The following KCNH8 variants were observed in gnomAD, a reference collection of about 807,000 sequenced individuals.
The protein encoded by KCNH8 is potassium voltage-gated channel subfamily H member 8, also known as voltage-gated delayed rectifier potassium channel KCNH8.
A neutral mutation model predicts 103.6 loss-of-function variants in KCNH8; 70 were observed. That is an observed-to-expected ratio of 0.68 (90% CI 0.56 to 0.82). The LOEUF is 0.82. KCNH8 is among the 40% of genes least tolerant of loss of function. KCNH8 has a pLI of 0.00. For synonymous variants in KCNH8, 498 were observed against 489.4 expected (o/e 1.02, Z -0.23); for missense variants, 1,217 against 1,329.9 (o/e 0.92, Z 1.32).
chr3:19,388,397 G>A (rs1053119396), intron 5 of KCNH8, among the ~76,000 whole-genome samples: 7 of 152,016 alleles, frequency 4.6e-5, no homozygotes, highest in Admixed American at 6.6e-5. Flanking sequence ...AAAATAAAGA[G>A]GAAGAATGAA....
chr3:19,385,186 A>G (rs991139534), intron 5 of KCNH8, among the ~76,000 whole-genome samples: 6 of 152,140 alleles, frequency 3.9e-5, no homozygotes, highest in African/African-American at 1.4e-4. Flanking sequence ...AAGGAAAGGA[A>G]GTTATGAGAA....
At chr3:19,153,817 A>C (rs1413640662) in intron 1 of KCNH8, among the ~76,000 whole-genome samples, 1 of 151,702 alleles carries the variant, frequency 6.6e-6, no homozygotes, top group Non-Finnish European at 1.5e-5. Flanking sequence ...CATTTTTAGT[A>C]GAGACGGGGT....
intron 2 of KCNH8, 103 bp from the exon 3 acceptor site, chr3:19,281,095 G>A: frequency 8.0e-7 from 1 of 1,245,060 alleles, no homozygotes; most frequent in Non-Finnish European, 1.1e-6. Flanking sequence ...TTGTGGGATT[G>A]AAGAAAACAC....
At position 19,409,530 on chromosome 3, in the gene KCNH8, AG is replaced by A. The variant is rs764800524; in HGVS notation, c.1177+14221del. Among the ~76,000 whole-genome samples the A allele has an allele frequency of 1.1e-4, 16 of 152,294 alleles. No individual in the cohort carries two copies. The East Asian group carries it at 2.7e-3, about 26-fold the overall frequency. On this transcript the variant is annotated intron_variant, in intron 7 of 15. Coordinates refer to ENST00000328405, the MANE Select transcript of KCNH8 (RefSeq NM_144633.3). The stretch of plus-strand genomic sequence containing the variant: ...CCTCTCATATCAATATTAACCTGGA[AG>A]GTAAATGGTCTAAATGATCCACTTA...
intron 1 of KCNH8, among the ~76,000 whole-genome samples, chr3:19,245,883 C>A (rs1277094055): frequency 6.6e-6 from 1 of 152,122 alleles, no homozygotes; most frequent in African/African-American, 2.4e-5. Flanking sequence ...ATATCATTAG[C>A]AAAGGAGATA....
intron 15 of KCNH8, among the ~76,000 whole-genome samples, chr3:19,530,691 T>G (rs1216786008): frequency 6.6e-6 from 1 of 152,216 alleles, no homozygotes; most frequent in African/African-American, 2.4e-5. Flanking sequence ...CCCAGCTTTT[T>G]ACTCATGAGG....
Position 19,352,948 on chromosome 3 carries a change from G to GT in KCNH8, c.811+4992dup, listed in dbSNP as rs145953514. Among the ~76,000 whole-genome samples, 1,167 of 151,054 alleles carry GT rather than the reference G, an allele frequency of 7.7e-3. 6 individuals carry two copies. Among genetic ancestry groups the GT allele is most frequent in the African/African-American group, 0.022 (911 of 41,174 alleles). On this transcript the variant is annotated intron_variant, in intron 5 of 15. Transcript: ENST00000328405. ...CAAAAAATCAATGAATCCAGGAGCTGTTTTTTTTTAAAAGATCAACAAAAT... is the reference window on the plus strand; with the variant it reads ...CAAAAAATCAATGAATCCAGGAGCTGTTTTTTTTTTAAAAGATCAACAAAAT...
intron 5 of KCNH8, among the ~76,000 whole-genome samples, chr3:19,379,365 G>A (rs575682213): frequency 1.3e-5 from 2 of 152,300 alleles, no homozygotes; most frequent in East Asian, 3.9e-4. Flanking sequence ...AAGAAGGCCG[G>A]GCCCAGTGGC....
chr3:19,354,087 A>G (rs1377472815), intron 5 of KCNH8, among the ~76,000 whole-genome samples: 1 of 151,760 alleles, frequency 6.6e-6, no homozygotes, highest in Non-Finnish European at 1.5e-5. Flanking sequence ...CTATACACCA[A>G]TAACAGACAG....
At chr3:19,498,495 A>C (rs2068496478) in intron 11 of KCNH8, among the ~76,000 whole-genome samples, 1 of 151,392 alleles carries the variant, frequency 6.6e-6, no homozygotes, top group South Asian at 2.1e-4. Context: ...TTTCTCCTCC[A>C]CTTATGAAGC....
chr3:19,283,904 T>G (rs2064791653), intron 3 of KCNH8, among the ~76,000 whole-genome samples: 2 of 149,586 alleles, frequency 1.3e-5, no homozygotes. Context: ...GATTCACTCC[T>G]GCACTCTAGC....
At chr3:19,481,067 T>A (rs1361412147) in intron 11 of KCNH8, among the ~76,000 whole-genome samples, 1 of 152,210 alleles carries the variant, frequency 6.6e-6, no homozygotes, top group African/African-American at 2.4e-5. Flanking sequence ...TTCTTTCCCA[T>A]GTTTGGCTTC....
chr3:19,249,013 G>C (rs538959227), intron 1 of KCNH8, among the ~76,000 whole-genome samples: 3 of 152,164 alleles, frequency 2.0e-5, no homozygotes, highest in South Asian at 4.1e-4. Flanking sequence ...ATATCTTACT[G>C]TTTACTCTCA....
chr3:19,158,996 T>C (rs2063207780), intron 1 of KCNH8, among the ~76,000 whole-genome samples: 2 of 151,938 alleles, frequency 1.3e-5, no homozygotes, highest in Non-Finnish European at 2.9e-5. Context: ...GGGGTATTAT[T>C]TTATTGTTTT....
chr3:19,240,363 A>C (rs934364548), intron 1 of KCNH8, among the ~76,000 whole-genome samples: 71 of 152,272 alleles, frequency 4.7e-4, no homozygotes, highest in African/African-American at 1.7e-3. Context: ...CTGTAATCCC[A>C]TCACTTTGGG....
At position 19,286,608 on chromosome 3, in the gene KCNH8, A is replaced by G. The variant is rs568263329; in HGVS notation, c.442+5279A>G. Among the ~76,000 whole-genome samples the G allele has an allele frequency of 3.3e-5, 5 of 152,310 alleles. No individual in the cohort carries two copies. In the South Asian group the frequency reaches 1.0e-3, roughly 32 times the overall value. ...CTACATCCTGAGGATACCATAATCC[A>G]CTGATGTTTAAATTCCTCATATAAA... On this transcript the variant is annotated intron_variant, in intron 3 of 15. Coordinates refer to ENST00000328405, the MANE Select transcript of KCNH8 (RefSeq NM_144633.3).
chr3:19,202,134 G>A (rs2063669386), intron 1 of KCNH8, among the ~76,000 whole-genome samples: 2 of 152,148 alleles, frequency 1.3e-5, no homozygotes, highest in Non-Finnish European at 1.5e-5. Flanking sequence ...AGGGCTGGCA[G>A]TGGAAAGGGA....
At chr3:19,477,934 T>TTCATC (rs146302820) in intron 11 of KCNH8, among the ~76,000 whole-genome samples, 8,135 of 152,012 alleles carry the variant, frequency 0.054, 638 homozygotes, top group African/African-American at 0.17. Context: ...GCACCCTTTT[T>TTCATC]TCATCTCCAA....
intron 2 of KCNH8, among the ~76,000 whole-genome samples, chr3:19,258,481 A>G (rs1386542898): frequency 3.3e-5 from 5 of 151,974 alleles, no homozygotes; most frequent in Non-Finnish European, 5.9e-5. Flanking sequence ...TGATCTTGCA[A>G]TTGAAGAATT....
Sources: allele counts gnomAD v4.1 joint callset (sites outside exome capture counted in the v4.1 genomes callset), GRCh38; gene constraint gnomAD v4.1.1; transcripts MANE v1.5; gene names NCBI Gene and HGNC (gene_info 2026-07-23, HGNC 2026-07-21).